Variants in ARHGAP18 observed in about 807,000 individuals in gnomAD.
ARHGAP18 encodes rho GTPase-activating protein 18.
A neutral mutation model predicts 86.2 loss-of-function variants in ARHGAP18; 67 were observed. The ratio of observed to expected loss-of-function variants is 0.78; its 90% CI spans 0.64 to 0.95. ARHGAP18 has a LOEUF of 0.95. Among genes scored for constraint, ARHGAP18 ranks in the 40% least tolerant of loss-of-function variants. The pLI is 0.00. For synonymous variants in ARHGAP18, 283 were observed against 280.4 expected (o/e 1.01, Z -0.09); for missense variants, 691 against 780.4 (o/e 0.89, Z 1.37).
At chr6:129,677,094 A>G (rs925347522) in intron 1 of ARHGAP18, among the ~76,000 whole-genome samples, 1 of 152,026 alleles carries the variant, frequency 6.6e-6, no homozygotes, top group African/African-American at 2.4e-5. Flanking sequence ...AAGTTTAAAT[A>G]AAAAGTTGCT....
rs1584103189 is a variant in ARHGAP18 at position 129,668,401 on chromosome 6, GAC to G, written c.114-26385_114-26384del. Among the ~76,000 whole-genome samples, 12 of 85,022 alleles carry G rather than the reference GAC, an allele frequency of 1.4e-4. No individual in the cohort carries two copies. The East Asian group carries it at 3.0e-3, about 21-fold the overall frequency. 55.8% of individuals were successfully genotyped at this position (85,022 alleles called of 152,430 possible). A position where few individuals can be genotyped will look rare whatever the true frequency, so the allele number is the denominator to read the frequency against. ...ACACACACACACACACACACACACA[GAC>G]ACACACACCATTAAAAACAGTCTAT... On this transcript the variant is annotated intron_variant, in intron 1 of 14. Coordinates refer to ENST00000368149, the MANE Select transcript of ARHGAP18 (RefSeq NM_033515.3).
chr6:129,583,591 G>C (rs1031134809), intron 13 of ARHGAP18, among the ~76,000 whole-genome samples: 4 of 152,116 alleles, frequency 2.6e-5, no homozygotes, highest in Non-Finnish European at 4.4e-5. Context: ...AAAAAGTTGT[G>C]TCTTTTCTTT....
At chr6:129,706,511 G>C (rs945804966) in intron 1 of ARHGAP18, among the ~76,000 whole-genome samples, 1 of 152,152 alleles carries the variant, frequency 6.6e-6, no homozygotes, top group African/African-American at 2.4e-5. Context: ...ATAATGGAAT[G>C]GAGAAAATTT....
intron 4 of ARHGAP18, among the ~76,000 whole-genome samples, chr6:129,633,434 C>CAAAAAAAAA (rs34853507): frequency 9.6e-6 from 1 of 104,464 alleles, no homozygotes; most frequent in Admixed American, 1.1e-4. Flanking sequence ...GACTCCACCT[C>CAAAAAAAAA]AAAAAAAAAA....
intron 1 of ARHGAP18, chr6:129,661,943 G>A (rs1773961315): frequency 1.0e-6 from 1 of 984,446 alleles, no homozygotes; most frequent in African/African-American, 1.8e-5. Flanking sequence ...CTGTTTCCCA[G>A]GTGACACTGT....
intron 13 of ARHGAP18, 61 bp downstream of exon 13, chr6:129,583,927 G>C: frequency 6.5e-7 from 1 of 1,547,696 alleles, no homozygotes; most frequent in Non-Finnish European, 8.7e-7. Flanking sequence ...AGCAGCGAAG[G>C]CGAGAGAGAG....
rs1314405840 is a variant in ARHGAP18, at chr6:129,609,014, AAG to A, written c.1123-964_1123-963del. Among the ~76,000 whole-genome samples, 82 of 150,552 alleles carry A rather than the reference AAG, an allele frequency of 5.4e-4. 1 individual carries two copies. The highest frequency in any genetic ancestry group is 2.0e-3 in the Admixed American group (30 of 15,116). Reference sequence around the variant, plus strand: ...AGAAAAGGAGGAAGAGGAAAAAAAAAAGAGGAGGGAGGAAAAGATAGAAAAAG... The same window carrying A: ...AGAAAAGGAGGAAGAGGAAAAAAAAAAGGAGGGAGGAAAAGATAGAAAAAG... On this transcript the variant is annotated intron_variant, in intron 8 of 14. Coordinates refer to ENST00000368149, the MANE Select transcript of ARHGAP18 (RefSeq NM_033515.3).
chr6:129,658,197 A>T (rs1773878731), intron 1 of ARHGAP18, among the ~76,000 whole-genome samples: 1 of 152,198 alleles, frequency 6.6e-6, no homozygotes, highest in African/African-American at 2.4e-5. Flanking sequence ...AAAATCATAT[A>T]GCACTAACTT....
chr6:129,709,979 G>T, intron 1 of ARHGAP18, 45 bp downstream of exon 1: 1 of 1,465,706 alleles, frequency 6.8e-7, no homozygotes, highest in Non-Finnish European at 9.5e-7. Context: ...TCTTCCTGGA[G>T]CAGGTAAGAG....
chr6:129,645,888 C>G (rs750177468), intron 1 of ARHGAP18, among the ~76,000 whole-genome samples: 1 of 152,070 alleles, frequency 6.6e-6, no homozygotes, highest in Non-Finnish European at 1.5e-5. Flanking sequence ...AAAATGAGGG[C>G]TTTGTTTTGT....
At chr6:129,630,939 C>T (rs1224104511) in intron 4 of ARHGAP18, among the ~76,000 whole-genome samples, 1 of 152,244 alleles carries the variant, frequency 6.6e-6, no homozygotes, top group Middle Eastern at 3.4e-3. Context: ...ATTTAAAGCC[C>T]GTTGATATTA....
At chr6:129,625,198 A>G (rs1447139450) in intron 5 of ARHGAP18, among the ~76,000 whole-genome samples, 1 of 90,426 alleles carries the variant, frequency 1.1e-5, no homozygotes. Context: ...TATATGATAT[A>G]TATTTATATG....
At chr6:129,600,326 A>G (rs1005757555) in intron 11 of ARHGAP18, among the ~76,000 whole-genome samples, 2 of 152,200 alleles carry the variant, frequency 1.3e-5, no homozygotes, top group African/African-American at 4.8e-5. Context: ...AAATGCATGC[A>G]TCCCTTTCAA....
intron 1 of ARHGAP18, among the ~76,000 whole-genome samples, chr6:129,691,419 A>G (rs774686415): frequency 6.6e-6 from 1 of 152,220 alleles, no homozygotes. Context: ...AATTCTGTGC[A>G]CTTTAACATT....
chr6:129,613,913 T>A (rs371033508), intron 7 of ARHGAP18, among the ~76,000 whole-genome samples: 24 of 152,292 alleles, frequency 1.6e-4, no homozygotes, highest in Middle Eastern at 6.8e-3. Context: ...ATATATTACA[T>A]ACTTATGTGA....
intron 1 of ARHGAP18, among the ~76,000 whole-genome samples, chr6:129,669,502 T>C (rs1389201476): frequency 6.9e-6 from 1 of 144,420 alleles, no homozygotes; most frequent in Non-Finnish European, 1.5e-5. Context: ...TCAGGAAAAA[T>C]AGGCCAGGCG....
intron 4 of ARHGAP18, 142 bp downstream of exon 4, chr6:129,633,900 A>T: frequency 1.5e-6 from 1 of 673,852 alleles, no homozygotes; most frequent in Non-Finnish European, 2.4e-6. Context: ...TCAGCCTCAC[A>T]TAATGATCCA....
chr6:129,633,344 AG>A (rs554807800), intron 4 of ARHGAP18, among the ~76,000 whole-genome samples: 134 of 150,144 alleles, frequency 8.9e-4, no homozygotes, highest in Admixed American at 1.3e-3. Flanking sequence ...CTGAGGCAGG[AG>A]GATCACTTGA....
At chr6:129,655,336 A>C (rs949598416) in intron 1 of ARHGAP18, among the ~76,000 whole-genome samples, 21 of 115,918 alleles carry the variant, frequency 1.8e-4, no homozygotes, top group Non-Finnish European at 2.9e-4. Flanking sequence ...AAAAAAAAAA[A>C]AAAAAGAAAA....
Sources: gnomAD v4.1 joint callset for allele counts (sites outside exome capture counted in the v4.1 genomes callset) on GRCh38, gnomAD v4.1.1 for gene constraint, MANE v1.5 for transcripts, NCBI Gene and HGNC (gene_info 2026-07-23, HGNC 2026-07-21) for gene names.